The following PLD5 variants were observed in gnomAD, a reference collection of about 807,000 sequenced individuals.
The protein encoded by PLD5 is inactive phospholipase D5.
Under a neutral mutation model 61.1 loss-of-function variants are expected in PLD5, and 36 were observed. That is an observed-to-expected ratio of 0.59 (90% CI 0.45 to 0.78). PLD5 has a LOEUF of 0.78. Among genes scored for constraint, PLD5 ranks in the 30% least tolerant of loss-of-function variants. The pLI is 0.00. For missense variants in PLD5, 515 were observed against 644.4 expected, an observed-to-expected ratio of 0.80 and a Z score of 2.17; for synonymous variants, 243 against 242.8, an observed-to-expected ratio of 1.00 and a Z score of -0.01.
intron 2 of PLD5, among the ~76,000 whole-genome samples, chr1:242,300,349 CAGA>C (rs1675954609): frequency 6.6e-6 from 1 of 151,932 alleles, no homozygotes; most frequent in South Asian, 2.1e-4. Context: ...GAGGCTGAGA[CAGA>C]AGAATCATTT....
At chr1:242,461,031 C>A (rs370494646) in intron 1 of PLD5, among the ~76,000 whole-genome samples, 1 of 152,048 alleles carries the variant, frequency 6.6e-6, no homozygotes, top group East Asian at 1.9e-4. Flanking sequence ...GTCCCAGGTA[C>A]TCAAGAGGCT....
At chr1:242,324,623 T>A (rs181291169) in intron 2 of PLD5, among the ~76,000 whole-genome samples, 2 of 152,262 alleles carry the variant, frequency 1.3e-5, no homozygotes, top group East Asian at 3.9e-4. Flanking sequence ...CACCTCCCTT[T>A]TAAAACTAAC....
At chr1:242,231,116 C>A (rs72761299) in intron 4 of PLD5, among the ~76,000 whole-genome samples, 33,233 of 152,104 alleles carry the variant, frequency 0.22, 3,792 homozygotes, top group Middle Eastern at 0.27. Flanking sequence ...ACACTTAAAA[C>A]GGATCAGCAA....
chr1:242,196,340 G>A (rs189176568), intron 5 of PLD5, among the ~76,000 whole-genome samples: 22 of 152,282 alleles, frequency 1.4e-4, no homozygotes, highest in Non-Finnish European at 2.1e-4. Context: ...GCCCTGTGGG[G>A]AAGGTGGAAT....
At chr1:242,252,554 G>GA (rs920719176) in intron 4 of PLD5, among the ~76,000 whole-genome samples, 17 of 150,768 alleles carry the variant, frequency 1.1e-4, no homozygotes, top group Non-Finnish European at 1.9e-4. Context: ...CTACAACAAA[G>GA]AAAAAAAAAG....
At chr1:242,222,568 C>T (rs757285122) in intron 4 of PLD5, among the ~76,000 whole-genome samples, 5 of 152,212 alleles carry the variant, frequency 3.3e-5, no homozygotes, top group South Asian at 2.1e-4. Flanking sequence ...GAAACTCGGC[C>T]CCGTGGCCAG....
At chr1:242,528,820 C>T (rs772036735), upstream of PLD5, among the ~76,000 whole-genome samples, 6 of 152,010 alleles carry the variant, frequency 3.9e-5, no homozygotes, top group African/African-American at 7.2e-5. Context: ...TCACCATGTC[C>T]GATAAAAAAA....
At chr1:242,529,799 C>CTTCTTTCCTTCCTTCCTTCT in the PLD5 span, among the ~76,000 whole-genome samples, 2 of 144,962 alleles carry the variant, frequency 1.4e-5, no homozygotes, top group Admixed American at 1.4e-4. Context: ...TCCTTCCTTC[C>CTTCTTTCCTTCCTTCCTTCT]TTCCTTCCTT....
intron 2 of PLD5, among the ~76,000 whole-genome samples, chr1:242,303,291 G>A (rs566026348): frequency 7.9e-5 from 12 of 152,262 alleles, no homozygotes; most frequent in East Asian, 1.9e-4. Context: ...TGGCCTCGCC[G>A]TCTCTCTCAG....
At position 242,111,472 on chromosome 1, in the gene PLD5, GT is replaced by G. The variant is rs1004504921; in HGVS notation, c.1070+2417del. On this transcript the variant is annotated intron_variant, in intron 7 of 9. Transcript: ENST00000536534. ...ACACTATTGCTAAATAATAGTGTCT[GT>G]TTTTTTTTACACGCTGTTAATCATT... Among the ~76,000 whole-genome samples, 23 of 150,876 alleles carry G rather than the reference GT, an allele frequency of 1.5e-4. No individual in the cohort carries two copies. In the South Asian group the frequency reaches 4.0e-3, roughly 26 times the overall value.
intron 5 of PLD5, among the ~76,000 whole-genome samples, chr1:242,167,255 A>T (rs1666391805): frequency 6.6e-6 from 1 of 152,146 alleles, no homozygotes. Flanking sequence ...CATATCCAAG[A>T]CTGGGTCATT....
chr1:242,406,023 C>G (rs1220675421), intron 1 of PLD5, among the ~76,000 whole-genome samples: 2 of 152,214 alleles, frequency 1.3e-5, no homozygotes, highest in African/African-American at 4.8e-5. Context: ...ACTCTTCTCT[C>G]ACTGCTTTCT....
At chr1:242,397,218 C>T (rs977128184) in intron 1 of PLD5, among the ~76,000 whole-genome samples, 14 of 152,124 alleles carry the variant, frequency 9.2e-5, no homozygotes. Context: ...TCTAGACTTA[C>T]ATAGCCAAAT....
chr1:242,485,820 C>T (rs1465436089), intron 1 of PLD5, among the ~76,000 whole-genome samples: 17 of 152,182 alleles, frequency 1.1e-4, no homozygotes, highest in Admixed American at 1.0e-3. Context: ...AACTATACTA[C>T]AAGGCTACAG....
At chr1:242,257,364 T>C (rs1400185771) in intron 4 of PLD5, among the ~76,000 whole-genome samples, 5 of 152,182 alleles carry the variant, frequency 3.3e-5, no homozygotes, top group African/African-American at 1.2e-4. Context: ...AGAAAATACA[T>C]GTTTGATTCC....
At chr1:242,384,251 G>A (rs1662468348) in intron 1 of PLD5, among the ~76,000 whole-genome samples, 2 of 152,170 alleles carry the variant, frequency 1.3e-5, no homozygotes, top group South Asian at 2.1e-4. Flanking sequence ...ATTCTCTTCT[G>A]TACATACTGG....
chr1:242,363,170 G>A (rs1043760637), intron 1 of PLD5, among the ~76,000 whole-genome samples: 6 of 152,070 alleles, frequency 3.9e-5, no homozygotes, highest in Admixed American at 6.6e-5. Context: ...CTGCCTGGAA[G>A]GAGCAGATGG....
intron 5 of PLD5, among the ~76,000 whole-genome samples, chr1:242,172,783 AT>A (rs545385828): frequency 1.5e-3 from 233 of 152,314 alleles, no homozygotes; most frequent in African/African-American, 5.3e-3. Flanking sequence ...TCTAGAAGAA[AT>A]GGATAAATTC....
At chr1:242,189,593 A>C (rs113071748) in intron 5 of PLD5, among the ~76,000 whole-genome samples, 242 of 152,308 alleles carry the variant, frequency 1.6e-3, no homozygotes, top group African/African-American at 5.3e-3. Flanking sequence ...CAAGAAAGAG[A>C]AAATCACTAT....
Sources: gnomAD v4.1 joint callset for allele counts (sites outside exome capture counted in the v4.1 genomes callset) on GRCh38, gnomAD v4.1.1 for gene constraint, MANE v1.5 for transcripts, NCBI Gene and HGNC (gene_info 2026-07-23, HGNC 2026-07-21) for gene names.